ADAMTS19: variants seen among roughly 807,000 people sequenced by gnomAD.
The protein encoded by ADAMTS19 is ADAM metallopeptidase with thrombospondin type 1 motif 19, also known as A disintegrin and metalloproteinase with thrombospondin motifs 19.
In ADAMTS19, 93 loss-of-function variants were observed where a neutral mutation model predicts 153.3. The observed-to-expected ratio is 0.61, with a 90% CI of 0.51 to 0.72. ADAMTS19 has a LOEUF of 0.72. ADAMTS19 is among the 30% of genes least tolerant of loss of function. ADAMTS19 has a pLI of 0.00. For synonymous variants in ADAMTS19, 600 were observed against 556.6 expected, an observed-to-expected ratio of 1.08 and a Z score of -1.10; for missense variants, 1,482 against 1,552.1, an observed-to-expected ratio of 0.95 and a Z score of 0.76.
At chr5:129,701,082 C>G (rs2127159985) in intron 19 of ADAMTS19, among the ~76,000 whole-genome samples, 1 of 151,402 alleles carries the variant, frequency 6.6e-6, no homozygotes, top group Admixed American at 6.6e-5. Context: ...GGGGGTGGGT[C>G]TTTCCCGTGC....
At chr5:129,541,106 C>G (rs1047872649) in intron 6 of ADAMTS19, among the ~76,000 whole-genome samples, 1 of 151,654 alleles carries the variant, frequency 6.6e-6, no homozygotes, top group African/African-American at 2.4e-5. Flanking sequence ...GTTTATAATG[C>G]TGCTGACAAT....
Position 129,461,333 on chromosome 5 carries a change from G to C in ADAMTS19, c.323G>C (p.Arg108Pro). ...CCCGTGGAGGGCCGATCAGAGTCCC[G>C]GCTCCGGCCCCCGCCGCCGTCGGAG... Reference protein sequence around the residue: ...EEPVEGRSESRLRPPPPSEGE... With the variant: ...EEPVEGRSESPLRPPPPSEGE... The change falls in exon 2 of 23, where the codon CGG becomes CCG. Residue 108 changes from arginine (R) to proline (P), a missense_variant. Physicochemically the swap from Arg to Pro is moderately radical, Grantham distance 103. Coordinates refer to ENST00000274487, the MANE Select transcript of ADAMTS19 (RefSeq NM_133638.6). This position sits in a 1 kb window ranked among gnomAD's most constrained non-coding sequence, Gnocchi z 4.6. 1 of 1,331,890 alleles carries C rather than the reference G, an allele frequency of 7.5e-7. No homozygotes were observed. The highest frequency in any genetic ancestry group is 4.2e-5 in the Admixed American group (1 of 24,058). The allele number at this position is 1,331,890 out of a possible 1,614,324, so 82.5% of individuals were successfully genotyped here. A position where few individuals can be genotyped will look rare whatever the true frequency, so the allele number is the denominator to read the frequency against.
chr5:129,635,198 C>G (rs999103420), intron 10 of ADAMTS19, among the ~76,000 whole-genome samples: 3 of 152,106 alleles, frequency 2.0e-5, no homozygotes, highest in African/African-American at 7.2e-5. Flanking sequence ...AAATCAAAAC[C>G]ACAATGTAAT....
intron 6 of ADAMTS19, among the ~76,000 whole-genome samples, chr5:129,536,505 G>A (rs964148040): frequency 3.9e-5 from 6 of 152,180 alleles, no homozygotes; most frequent in African/African-American, 4.8e-5. Flanking sequence ...TCAGTGTGGC[G>A]ATTCCTCAGG....
chr5:129,666,051 A>G (rs1226899018), intron 16 of ADAMTS19, among the ~76,000 whole-genome samples: 1 of 151,360 alleles, frequency 6.6e-6, no homozygotes, highest in Non-Finnish European at 1.5e-5. Flanking sequence ...TCTACATACT[A>G]AAGGACTTGA....
At chr5:129,543,346 C>A (rs1460493124) in intron 6 of ADAMTS19, among the ~76,000 whole-genome samples, 1 of 151,968 alleles carries the variant, frequency 6.6e-6, no homozygotes, top group Non-Finnish European at 1.5e-5. Flanking sequence ...GCCACTGCAC[C>A]CAGCCTGGAT....
intron 7 of ADAMTS19, among the ~76,000 whole-genome samples, chr5:129,583,621 T>C (rs923580010): frequency 6.6e-6 from 1 of 151,926 alleles, no homozygotes; most frequent in African/African-American, 2.4e-5. Flanking sequence ...TTTCATTCCT[T>C]TTTCTCTAAT....
intron 7 of ADAMTS19, among the ~76,000 whole-genome samples, chr5:129,558,946 G>GTTAATCATAA (rs2126837560): frequency 6.6e-6 from 1 of 151,990 alleles, no homozygotes; most frequent in South Asian, 2.1e-4. Flanking sequence ...ATTTCTTAGA[G>GTTAATCATAA]AGTACACAGA....
At chr5:129,594,354 C>T (rs1581124353) in intron 7 of ADAMTS19, among the ~76,000 whole-genome samples, 1 of 152,142 alleles carries the variant, frequency 6.6e-6, no homozygotes, top group East Asian at 1.9e-4. Context: ...AGTTTTAAAT[C>T]TGAACAGGGT....
At chr5:129,666,982 T>A (rs1754080927) in intron 16 of ADAMTS19, among the ~76,000 whole-genome samples, 1 of 152,200 alleles carries the variant, frequency 6.6e-6, no homozygotes, top group East Asian at 1.9e-4. Context: ...CAGGCAATAT[T>A]ACAAAGGTGA....
At chr5:129,668,748 T>C (rs1428644430) in intron 16 of ADAMTS19, among the ~76,000 whole-genome samples, 1 of 152,130 alleles carries the variant, frequency 6.6e-6, no homozygotes, top group Non-Finnish European at 1.5e-5. Context: ...CAATAACATA[T>C]TTTTTATTGT....
intron 8 of ADAMTS19, among the ~76,000 whole-genome samples, chr5:129,605,207 T>A (rs1972624): frequency 6.6e-6 from 1 of 151,928 alleles, no homozygotes; most frequent in East Asian, 1.9e-4. Flanking sequence ...CAAAGCAAAT[T>A]GCCTGGCTTC....
intron 7 of ADAMTS19, among the ~76,000 whole-genome samples, chr5:129,574,865 A>AC (rs997789983): frequency 2.0e-5 from 3 of 151,710 alleles, no homozygotes; most frequent in Non-Finnish European, 4.4e-5. Context: ...TCTTGAAAAA[A>AC]AAAATTAACG....
intron 7 of ADAMTS19, among the ~76,000 whole-genome samples, chr5:129,561,421 C>T (rs1053099960): frequency 5.9e-5 from 9 of 151,310 alleles, no homozygotes; most frequent in African/African-American, 2.2e-4. Context: ...CCCAGCTACT[C>T]GGGAGGCTGA....
intron 3 of ADAMTS19, among the ~76,000 whole-genome samples, chr5:129,525,031 C>T (rs1355373449): frequency 6.6e-6 from 1 of 152,022 alleles, no homozygotes; most frequent in Non-Finnish European, 1.5e-5. Flanking sequence ...CTTTTCATTG[C>T]TATATAGTAT....
chr5:129,563,903 C>A (rs1167060390), intron 7 of ADAMTS19, among the ~76,000 whole-genome samples: 4 of 151,928 alleles, frequency 2.6e-5, no homozygotes, highest in Non-Finnish European at 5.9e-5. Flanking sequence ...TACTTTAAGA[C>A]ATGGAGATCT....
intron 2 of ADAMTS19, among the ~76,000 whole-genome samples, chr5:129,462,954 T>C (rs1246486442): frequency 6.6e-6 from 1 of 151,920 alleles, no homozygotes; most frequent in Non-Finnish European, 1.5e-5. Flanking sequence ...AACTACCACC[T>C]CCCCTGACCC....
intron 3 of ADAMTS19, among the ~76,000 whole-genome samples, chr5:129,509,532 GA>G (rs1751367192): frequency 6.6e-6 from 1 of 151,860 alleles, no homozygotes. Context: ...CACTTTACTG[GA>G]ATAGAAATGA....
chr5:129,725,280 G>A (rs1757160271), intron 21 of ADAMTS19, among the ~76,000 whole-genome samples: 1 of 152,042 alleles, frequency 6.6e-6, no homozygotes, highest in Non-Finnish European at 1.5e-5. Flanking sequence ...TTTGACTGGG[G>A]GTGTTATATG....
Sources: gnomAD v4.1 joint callset for allele counts (sites outside exome capture counted in the v4.1 genomes callset) on GRCh38, gnomAD v4.1.1 for gene constraint, Gnocchi (gnomAD v3.1) non-coding constraint, MANE v1.5 for transcripts, NCBI Gene and HGNC (gene_info 2026-07-23, HGNC 2026-07-21) for gene names.